Variants in NAB1 observed in about 807,000 individuals in gnomAD.
NAB1 encodes the protein NGFI-A binding protein 1.
A neutral mutation model predicts 49.9 loss-of-function variants in NAB1; 25 were observed. The observed-to-expected ratio is 0.50, with a 90% CI of 0.37 to 0.70. The LOEUF (loss-of-function observed/expected upper bound fraction) is 0.70. NAB1 is among the 30% of genes least tolerant of loss of function. The pLI is 0.00. For missense variants in NAB1, 489 were observed against 575.9 expected, an observed-to-expected ratio of 0.85 and a Z score of 1.54; for synonymous variants, 198 against 215.6, an observed-to-expected ratio of 0.92 and a Z score of 0.71.
chr2:190,683,663 T>A, intron 6 of NAB1, 75 bp from the exon 7 acceptor site: 2 of 1,048,206 alleles, frequency 1.9e-6, no homozygotes, highest in Non-Finnish European at 2.8e-6. Flanking sequence ...AAGAGTTTGC[T>A]TTATTTTCAA....
Position 190,678,431 on chromosome 2 carries a change from A to C in NAB1, c.1005+5279A>C, listed in dbSNP as rs1695175603. ...TAAAGCTACAGTCTCAGACCTGGTGATGGCAGCTGACTAACTGGACTGAGT... is the reference window on the plus strand; with the variant it reads ...TAAAGCTACAGTCTCAGACCTGGTGCTGGCAGCTGACTAACTGGACTGAGT... On this transcript the variant is annotated intron_variant, in intron 6 of 9. Transcript: ENST00000337386. The surrounding 1 kb of genome is among the most constrained non-coding windows in gnomAD (Gnocchi z 4.9). 6.6e-6 allele frequency among the ~76,000 whole-genome samples: 1 copy of C among 152,224 alleles called. No homozygotes were observed. The highest frequency in any genetic ancestry group is 1.5e-5 in the Non-Finnish European group (1 of 68,038).
chr2:190,651,423 TG>T lies in NAB1; in HGVS notation c.-197+1446del. Reference sequence around the variant, plus strand: ...GAACCTATTGGTTTATTAAAGATTTTGGGGGTTTGCACTGTGGATGCTTCTT... The same window carrying T: ...GAACCTATTGGTTTATTAAAGATTTTGGGGTTTGCACTGTGGATGCTTCTT... On this transcript the variant is annotated intron_variant, in intron 2 of 9. Coordinates refer to ENST00000337386, the MANE Select transcript of NAB1 (RefSeq NM_005966.4). The surrounding 1 kb of genome is among the most constrained non-coding windows in gnomAD (Gnocchi z 4.3). Among the ~76,000 whole-genome samples the T allele has an allele frequency of 6.6e-6, 1 of 152,196 alleles. No homozygotes were observed. The highest frequency in any genetic ancestry group is 1.5e-5 in the Non-Finnish European group (1 of 68,024).
rs988594789 is a variant in NAB1, at chr2:190,677,385, A to C, written c.1005+4233A>C. On this transcript the variant is annotated intron_variant, in intron 6 of 9. Transcript: ENST00000337386. The surrounding 1 kb of genome is among the most constrained non-coding windows in gnomAD (Gnocchi z 5.6). ...CTGCTAGCTTAGGTGTGCCTTAAGGAACCTACCATTTGGAATGAAATCTCT... is the reference window on the plus strand; with the variant it reads ...CTGCTAGCTTAGGTGTGCCTTAAGGCACCTACCATTTGGAATGAAATCTCT... 6.6e-6 allele frequency: 1 copy of C among 152,194 alleles called. No homozygotes were observed. The highest frequency in any genetic ancestry group is 1.5e-5 in the Non-Finnish European group (1 of 68,038). The allele number at this position is 152,194 out of a possible 1,614,324, so 9.4% of individuals were successfully genotyped here.
In NAB1 at chr2:190,676,365, A is replaced by C. The variant is rs1226834039; in HGVS notation, c.1005+3213A>C. On this transcript the variant is annotated intron_variant, in intron 6 of 9. Coordinates refer to ENST00000337386, the MANE Select transcript of NAB1 (RefSeq NM_005966.4). This position sits in a 1 kb window ranked among gnomAD's most constrained non-coding sequence, Gnocchi z 4.6. The stretch of plus-strand genomic sequence containing the variant: ...AGAAAGAATTTAGAATTCTTTTAAC[A>C]TACTTTTTCTCTTATTTCATTTGAG... Among the ~76,000 whole-genome samples, 2 of 152,202 alleles carry C rather than the reference A, an allele frequency of 1.3e-5. No homozygotes were observed. The highest frequency in any genetic ancestry group is 6.5e-5 in the Admixed American group (1 of 15,278).
chr2:190,690,459 AAGG>A lies in NAB1; in HGVS notation c.*128_*130del. On this transcript the variant is annotated 3_prime_UTR_variant, in exon 10 of 10. Transcript: ENST00000337386. ...CAAACAGATTTCATAGCCAAAGCAAAAGGACTGGTACGGTAGTCTGTGGAAACC... is the reference window on the plus strand; with the variant it reads ...CAAACAGATTTCATAGCCAAAGCAAAACTGGTACGGTAGTCTGTGGAAACC... The A allele has an allele frequency of 1.4e-6, 1 of 719,314 alleles. No homozygotes were observed. The highest frequency in any genetic ancestry group is 2.4e-6 in the Non-Finnish European group (1 of 417,304). 44.6% of individuals were successfully genotyped at this position (719,314 alleles called of 1,614,324 possible).
Position 190,659,204 on chromosome 2 carries a change from G to A in NAB1, c.28G>A (p.Gly10Arg). 2 of 1,613,802 alleles carry A rather than the reference G, an allele frequency of 1.2e-6. No individual in the cohort carries two copies. The highest frequency in any genetic ancestry group is 1.7e-6 in the Non-Finnish European group (2 of 1,179,900). ...GGCTGCGGCCTTACCCAGGACCCTG[G>A]GGGAGTTGCAGCTGTATAGAATATT... MAAALPRTL[G>R]ELQLYRILQK... Residue 10 changes from glycine (G) to arginine (R), a missense_variant, in exon 4 of 10, where the codon GGG becomes AGG. This residue lies in a region of NAB1 where 35 missense variants were observed against 85.6 expected (regional missense o/e 0.41). Coordinates refer to ENST00000337386, the MANE Select transcript of NAB1 (RefSeq NM_005966.4). This position sits in a 1 kb window ranked among gnomAD's most constrained non-coding sequence, Gnocchi z 6.2.
In NAB1 at chr2:190,680,004, T is replaced by C. The variant is rs1302734946; in HGVS notation, c.1006-3734T>C. On this transcript the variant is annotated intron_variant, in intron 6 of 9. Transcript: ENST00000337386. The surrounding 1 kb of genome is among the most constrained non-coding windows in gnomAD (Gnocchi z 5.2). ...TTCTGGCCCCTCCCAGACCTCGTGATCTTGAGTTCCTTATTCTAGAGAATG... is the reference window on the plus strand; with the variant it reads ...TTCTGGCCCCTCCCAGACCTCGTGACCTTGAGTTCCTTATTCTAGAGAATG... Among the ~76,000 whole-genome samples the C allele has an allele frequency of 2.0e-5, 3 of 152,200 alleles. No homozygotes were observed. The highest frequency in any genetic ancestry group is 4.4e-5 in the Non-Finnish European group (3 of 68,036).
At chr2:190,662,798 C>T (rs918455755) in intron 4 of NAB1, among the ~76,000 whole-genome samples, 3 of 152,228 alleles carry the variant, frequency 2.0e-5, no homozygotes, top group Non-Finnish European at 4.4e-5. Context: ...AGTCAAAGAG[C>T]TCTAGAAAGA....
Position 190,691,766 on chromosome 2 carries a change from G to GT in NAB1, c.*1440dup, listed in dbSNP as rs1365671377. 6.6e-6 allele frequency: 1 copy of GT among 151,968 alleles called. No individual in the cohort carries two copies. Among genetic ancestry groups the GT allele is most frequent in the Non-Finnish European group, 1.5e-5 (1 of 67,940 alleles). 9.4% of individuals were successfully genotyped at this position (151,968 alleles called of 1,614,324 possible). On this transcript the variant is annotated 3_prime_UTR_variant, in exon 10 of 10. Transcript: ENST00000337386. This position sits in a 1 kb window ranked among gnomAD's most constrained non-coding sequence, Gnocchi z 4.1. ...TGACTCTGAGTGTAAGAGAGTATGT[G>GT]TTTTTTTGTTTTTAGTTCTGCTCTA...
rs1309906887 is a variant in NAB1 at position 190,651,402 on chromosome 2, C to A, written c.-197+1420C>A. 1.3e-5 allele frequency among the ~76,000 whole-genome samples: 2 copies of A among 152,122 alleles called. No homozygotes were observed. Among genetic ancestry groups the A allele is most frequent in the South Asian group, 2.1e-4 (1 of 4,834 alleles). ...TTTTCATCACGGTATAGCTAAGAAC[C>A]TATTGGTTTATTAAAGATTTTGGGG... On this transcript the variant is annotated intron_variant, in intron 2 of 9. Coordinates refer to ENST00000337386, the MANE Select transcript of NAB1 (RefSeq NM_005966.4). The surrounding 1 kb of genome is among the most constrained non-coding windows in gnomAD (Gnocchi z 4.3).
chr2:190,687,112 T>C (rs1695643674), intron 8 of NAB1, 89 bp from the exon 9 acceptor site: 1 of 611,526 alleles, frequency 1.6e-6, no homozygotes, highest in Admixed American at 3.9e-5. Context: ...CTCACTTTTT[T>C]CCTAAGGAGT....
chr2:190,688,871 G>A (rs1036140723), intron 9 of NAB1, among the ~76,000 whole-genome samples: 11 of 139,172 alleles, frequency 7.9e-5, no homozygotes, highest in Admixed American at 1.5e-4. Context: ...ATGGAGTCTC[G>A]CTTTCTCGCC....
Position 190,659,594 on chromosome 2 carries a change from G to T in NAB1, c.418G>T (p.Gly140Ter). Residue 140 changes from glycine to a stop codon, truncating the protein, a stop_gained, in exon 4 of 10, where the codon GGA (glycine) becomes TGA (stop). Transcript: ENST00000337386. LOFTEE classifies it high-confidence loss of function. The surrounding 1 kb of genome is among the most constrained non-coding windows in gnomAD (Gnocchi z 6.2). ...TGCCACCACCTGTGTGCAGAGCTTG[G>T]GACAGGGGAAGTCAGATGTGGTTGG... ...CAATTCVQSL[G>*]QGKSDVVGSL... 1 of 1,614,220 alleles carries T rather than the reference G, an allele frequency of 6.2e-7. No individual in the cohort carries two copies. The highest frequency in any genetic ancestry group is 8.5e-7 in the Non-Finnish European group (1 of 1,180,034).
At chr2:190,668,536 A>C (rs1275029108) in intron 4 of NAB1, among the ~76,000 whole-genome samples, 4 of 152,198 alleles carry the variant, frequency 2.6e-5, no homozygotes, top group Admixed American at 2.6e-4. Context: ...TCTCTGCCTT[A>C]ATACATCGGT....
rs1429333428 is a variant in NAB1 at position 190,652,783 on chromosome 2, C to T, written c.-197+2801C>T. Among the ~76,000 whole-genome samples, 1 of 152,144 alleles carries T rather than the reference C, an allele frequency of 6.6e-6. No individual in the cohort carries two copies. On this transcript the variant is annotated intron_variant, in intron 2 of 9. Transcript: ENST00000337386. The surrounding 1 kb of genome is among the most constrained non-coding windows in gnomAD (Gnocchi z 4.2). Reference sequence around the variant, plus strand: ...TGAAACACATACATGGGAGTTAGTACCTAGGCCAACCCTACAATCTTAAGT... The same window carrying T: ...TGAAACACATACATGGGAGTTAGTATCTAGGCCAACCCTACAATCTTAAGT...
At chr2:190,671,077 C>T (rs1221588402) in intron 5 of NAB1, among the ~76,000 whole-genome samples, 1 of 152,178 alleles carries the variant, frequency 6.6e-6, no homozygotes, top group African/African-American at 2.4e-5. Flanking sequence ...AGGATAGGAC[C>T]ATTTGATTTT....
Position 190,657,202 on chromosome 2 carries a change from G to C in NAB1, c.-20+1049G>C, listed in dbSNP as rs1269508008. On this transcript the variant is annotated intron_variant, in intron 3 of 9. Transcript: ENST00000337386. The surrounding 1 kb of genome is among the most constrained non-coding windows in gnomAD (Gnocchi z 4.4). The stretch of plus-strand genomic sequence containing the variant: ...CTCTAAACTTGGGTCTGTAACTCCT[G>C]AGAGCTCTGTTTTTGTGAGTTAGTG... 6.6e-6 allele frequency among the ~76,000 whole-genome samples: 1 copy of C among 152,164 alleles called. No individual in the cohort carries two copies. The highest frequency in any genetic ancestry group is 1.9e-4 in the East Asian group (1 of 5,198).
At chr2:190,690,018 A>ATATATGTATAGTATACTATATGTATAC (rs1197700626) in intron 9 of NAB1, among the ~76,000 whole-genome samples, 1 of 151,530 alleles carries the variant, frequency 6.6e-6, no homozygotes, top group African/African-American at 2.4e-5. Flanking sequence ...ACATCTATAC[A>ATATATGTATAGTATACTATATGTATAC]TATATGTATA....
chr2:190,658,966 T>G (rs1352962238), intron 3 of NAB1, 192 bp from the exon 4 acceptor site: 11 of 484,240 alleles, frequency 2.3e-5, no homozygotes, highest in Non-Finnish European at 7.2e-6. Flanking sequence ...GTACGTCAGT[T>G]TAGTTACTGA....
Sources: allele counts gnomAD v4.1 joint callset (sites outside exome capture counted in the v4.1 genomes callset), GRCh38; gene constraint gnomAD v4.1.1; regional missense constraint gnomAD v4.1.1; non-coding constraint Gnocchi (gnomAD v3.1); transcripts MANE v1.5; gene names NCBI Gene and HGNC (gene_info 2026-07-23, HGNC 2026-07-21).